The following CYRIB variants were observed in gnomAD, a reference collection of about 807,000 sequenced individuals.
The protein encoded by CYRIB is CYFIP-related Rac1 interactor B.
A neutral mutation model predicts 44.2 loss-of-function variants in CYRIB; 8 were observed. The ratio of observed to expected loss-of-function variants is 0.18; its 90% confidence interval spans 0.11 to 0.33. CYRIB has a LOEUF of 0.33. CYRIB is among the 10% of genes least tolerant of loss of function. CYRIB has a pLI of 1.00. For missense variants in CYRIB, 185 were observed against 382.8 expected (o/e 0.48, Z 4.31); for synonymous variants, 131 against 127.2 (o/e 1.03, Z -0.20).
chr8:129,957,376 A>C (rs2094912824), intron 2 of CYRIB, among the ~76,000 whole-genome samples: 1 of 152,206 alleles, frequency 6.6e-6, no homozygotes, highest in Non-Finnish European at 1.5e-5. Flanking sequence ...CTCTGTCCCC[A>C]AGACTTAAAA....
intron 2 of CYRIB, among the ~76,000 whole-genome samples, chr8:129,901,205 T>C (rs576156184): frequency 6.8e-4 from 104 of 152,194 alleles, no homozygotes; most frequent in African/African-American, 2.4e-3. Context: ...CACAAACTTC[T>C]AGCCTACATC....
intron 1 of CYRIB, among the ~76,000 whole-genome samples, chr8:129,927,945 C>T (rs1274177883): frequency 5.3e-5 from 8 of 152,054 alleles, no homozygotes; most frequent in Non-Finnish European, 1.0e-4. Context: ...CGGAAATCCA[C>T]AGGCAAAAAG....
intron 1 of CYRIB, among the ~76,000 whole-genome samples, chr8:129,987,568 CTTTTTTTTTT>C (rs34876735): frequency 7.9e-6 from 1 of 127,024 alleles, no homozygotes; most frequent in African/African-American, 3.2e-5. Context: ...TTTTTTTTTT[CTTTTTTTTTT>C]TTTTTTTATG....
intron 2 of CYRIB, among the ~76,000 whole-genome samples, chr8:129,965,480 A>G (rs1448571098): frequency 6.6e-6 from 1 of 152,146 alleles, no homozygotes; most frequent in Non-Finnish European, 1.5e-5. Flanking sequence ...ATTTTAAACA[A>G]TGGCGGAGCA....
chr8:129,876,402 G>A (rs896280183), intron 3 of CYRIB, among the ~76,000 whole-genome samples: 1 of 152,012 alleles, frequency 6.6e-6, no homozygotes, highest in Non-Finnish European at 1.5e-5. Context: ...ATGAGCTTTC[G>A]TGTCTATCCT....
intron 1 of CYRIB, among the ~76,000 whole-genome samples, chr8:129,916,761 A>G (rs915911569): frequency 5.9e-5 from 9 of 152,328 alleles, no homozygotes; most frequent in Non-Finnish European, 2.9e-5. Flanking sequence ...TGTTAGTTGT[A>G]TAACTGAGGG....
intron 5 of CYRIB, among the ~76,000 whole-genome samples, chr8:129,858,956 C>G (rs2047688677): frequency 6.6e-6 from 1 of 152,122 alleles, no homozygotes; most frequent in African/African-American, 2.4e-5. Context: ...TCCCCGTGTG[C>G]AGAGACGAGA....
rs545718620 is a variant in CYRIB at position 130,010,755 on chromosome 8, T to C, written c.-296+5615A>G. ...GCTAACTTGGAAACCTCCAGGGTCA[T>C]GTAGAGATTTGCACCATCAGCATCA... On this transcript the variant is annotated intron_variant, in intron 1 of 14. Transcript: ENST00000401979. Among the ~76,000 whole-genome samples the C allele has an allele frequency of 2.0e-5, 3 of 152,238 alleles. No homozygotes were observed. The East Asian group carries it at 5.8e-4, about 29-fold the overall frequency.
At chr8:129,998,398 T>G (rs1282865691) in intron 1 of CYRIB, among the ~76,000 whole-genome samples, 1 of 152,128 alleles carries the variant, frequency 6.6e-6, no homozygotes, top group Non-Finnish European at 1.5e-5. Context: ...CACAAGGAAG[T>G]GGATGACTTT....
At chr8:129,988,994 A>G (rs1206807310) in intron 1 of CYRIB, among the ~76,000 whole-genome samples, 2 of 152,210 alleles carry the variant, frequency 1.3e-5, no homozygotes, top group Non-Finnish European at 2.9e-5. Context: ...TGAAATTTCA[A>G]GAAGCGAAAT....
At chr8:129,930,945 GA>G (rs1467884256) in intron 1 of CYRIB, among the ~76,000 whole-genome samples, 3 of 151,776 alleles carry the variant, frequency 2.0e-5, no homozygotes, top group Admixed American at 6.6e-5. Context: ...CCATACTTTT[GA>G]AAAAAACTCG....
At chr8:129,997,096 G>GGGAA (rs1176823467) in intron 1 of CYRIB, among the ~76,000 whole-genome samples, 32 of 93,132 alleles carry the variant, frequency 3.4e-4, no homozygotes, top group East Asian at 2.0e-3. Context: ...GAAGGAGGGA[G>GGGAA]GGAAGGAAGG....
At chr8:129,857,609 G>A (rs138169063) in intron 5 of CYRIB, among the ~76,000 whole-genome samples, 2 of 152,238 alleles carry the variant, frequency 1.3e-5, no homozygotes, top group African/African-American at 2.4e-5. Flanking sequence ...CAGCAGATTC[G>A]CATTTTAAAA....
intron 1 of CYRIB, among the ~76,000 whole-genome samples, chr8:129,910,369 A>G (rs2077316794): frequency 6.6e-6 from 1 of 152,000 alleles, no homozygotes; most frequent in Non-Finnish European, 1.5e-5. Context: ...CAAGGTCTTT[A>G]TACCTAGTGC....
At chr8:129,893,336 A>G (rs1404743386) in intron 2 of CYRIB, among the ~76,000 whole-genome samples, 2 of 152,200 alleles carry the variant, frequency 1.3e-5, no homozygotes, top group Admixed American at 6.5e-5. Context: ...TGAGGAATTC[A>G]CAGACAAGTG....
intron 11 of CYRIB, among the ~76,000 whole-genome samples, chr8:129,843,401 AG>A (rs146057193): frequency 0.015 from 2,312 of 152,328 alleles, 70 homozygotes; most frequent in African/African-American, 0.053. Context: ...GCATTAAATA[AG>A]GGGGCTGTTA....
At chr8:129,988,133 G>A (rs1407424717) in intron 1 of CYRIB, among the ~76,000 whole-genome samples, 2 of 152,152 alleles carry the variant, frequency 1.3e-5, no homozygotes, top group Non-Finnish European at 1.5e-5. Context: ...ACGGAACAAA[G>A]GTTTCATAGT....
At chr8:129,969,063 G>C (rs368519264) in intron 2 of CYRIB, among the ~76,000 whole-genome samples, 1 of 123,726 alleles carries the variant, frequency 8.1e-6, no homozygotes, top group African/African-American at 3.2e-5. Flanking sequence ...GCCCAGGCTA[G>C]AGTGCAGTGG....
intron 2 of CYRIB, among the ~76,000 whole-genome samples, chr8:129,958,453 G>A (rs568775614): frequency 1.1e-4 from 16 of 152,168 alleles, no homozygotes; most frequent in African/African-American, 3.1e-4. Flanking sequence ...AATCACACTG[G>A]CTTTACATAA....
Sources: allele counts gnomAD v4.1 joint callset (sites outside exome capture counted in the v4.1 genomes callset), GRCh38; gene constraint gnomAD v4.1.1; transcripts MANE v1.5; gene names NCBI Gene and HGNC (gene_info 2026-07-23, HGNC 2026-07-21).